Variants in CKS1B observed in about 807,000 individuals in gnomAD.
CKS1B encodes the protein CDC28 protein kinase regulatory subunit 1B, also known as cyclin-dependent kinases regulatory subunit 1.
Under a neutral mutation model 12.2 loss-of-function variants are expected in CKS1B, and 5 were observed. That is an observed-to-expected ratio of 0.41 (90% confidence interval 0.21 to 0.86). CKS1B has a LOEUF of 0.86. CKS1B is among the 40% of genes least tolerant of loss of function. The pLI is 0.32. For missense variants in CKS1B, 53 were observed against 99.9 expected (o/e 0.53, Z 2.00); for synonymous variants, 24 against 34.4 (o/e 0.70, Z 1.06).
Position 154,977,951 on chromosome 1 carries a change from T to C in CKS1B, c.60-36T>C, listed in dbSNP as rs769157256. On this transcript the variant is annotated intron_variant, in intron 1 of 2. Coordinates refer to ENST00000308987, the MANE Select transcript of CKS1B (RefSeq NM_001826.3). ...TTGTCTAAGAGACTGTATCTGGTAC[T>C]AACATAAATTCCCCACTTCCCCGTT... The C allele has an allele frequency of 6.2e-6, 10 of 1,604,882 alleles. No homozygotes were observed. The South Asian group carries it at 8.9e-5, about 14-fold the overall frequency.
chr1:154,978,271 A>G (rs1479075843), intron 2 of CKS1B, 157 bp downstream of exon 2: 5 of 724,226 alleles, frequency 6.9e-6, no homozygotes, highest in African/African-American at 3.7e-5. Context: ...TAGTGACCAA[A>G]AATAAGACTA....
At chr1:154,978,660 A>T in intron 2 of CKS1B, 65 bp from the exon 3 acceptor site, 1 of 1,355,556 alleles carries the variant, frequency 7.4e-7, no homozygotes, top group Non-Finnish European at 1.1e-6. Context: ...GTGGTAGTGG[A>T]ATACACTATA....
chr1:154,974,881 C>A, intron 1 of CKS1B, 77 bp downstream of exon 1: 5 of 1,614,014 alleles, frequency 3.1e-6, no homozygotes, highest in Non-Finnish European at 4.2e-6. Flanking sequence ...GTAACAGGAA[C>A]TGAGGCGATA....
At chr1:154,977,908 G>C (rs1657228874) in intron 1 of CKS1B, 79 bp from the exon 2 acceptor site, 1 of 1,392,152 alleles carries the variant, frequency 7.2e-7, no homozygotes, top group African/African-American at 1.5e-5. Context: ...TTCCTTTCTT[G>C]GCCTTGTAAA....
rs1657082280 is a variant in CKS1B, at chr1:154,974,688, G to C, written c.-58G>C. Reference sequence around the variant, plus strand: ...GCCAAAGTGGGTGGGAGCGCGTGCTGTTGGGAGTTGCTTGGAGGTTGGCGG... The same window carrying C: ...GCCAAAGTGGGTGGGAGCGCGTGCTCTTGGGAGTTGCTTGGAGGTTGGCGG... On this transcript the variant is annotated 5_prime_UTR_variant, in exon 1 of 3. Coordinates refer to ENST00000308987, the MANE Select transcript of CKS1B (RefSeq NM_001826.3). 16 of 1,550,882 alleles carry C rather than the reference G, an allele frequency of 1.0e-5. No homozygotes were observed. The highest frequency in any genetic ancestry group is 1.4e-5 in the Non-Finnish European group (16 of 1,145,958).
chr1:154,978,012 G>A lies in CKS1B; in HGVS notation c.85G>A (p.Ala29Thr). The stretch of plus-strand genomic sequence containing the variant: ...ACATGTCATGCTGCCCAAGGACATA[G>A]CCAAGCTGGTCCCTAAAACCCATCT... ...YRHVMLPKDI[A>T]KLVPKTHLMS... Residue 29 changes from alanine to threonine, a missense_variant, in exon 2 of 3, where the codon GCC (alanine) becomes ACC (threonine). Ala to Thr is a moderately conservative substitution (Grantham distance 58). Coordinates refer to ENST00000308987, the MANE Select transcript of CKS1B (RefSeq NM_001826.3). 1 of 1,613,898 alleles carries A rather than the reference G, an allele frequency of 6.2e-7. No individual in the cohort carries two copies.
intron 1 of CKS1B, 40 bp from the exon 2 acceptor site, chr1:154,977,947 G>A: frequency 1.3e-6 from 2 of 1,599,000 alleles, no homozygotes; most frequent in Non-Finnish European, 1.7e-6. Context: ...ACTGTATCTG[G>A]TACTAACATA....
Position 154,978,079 on chromosome 1 carries a change from G to A in CKS1B, c.152G>A (p.Ser51Asn). The change falls in exon 2 of 3, where the codon AGT (serine) becomes AAT (asparagine). Residue 51 changes from serine (S) to asparagine (N), a missense_variant. Physicochemically the swap from Ser to Asn is conservative, Grantham distance 46. Coordinates refer to ENST00000308987, the MANE Select transcript of CKS1B (RefSeq NM_001826.3). ...SEWRNLGVQQ[S>N]QGWVHYMIHE... is the part of the protein sequence containing the mutation. The stretch of plus-strand genomic sequence containing the variant: ...TGGAGGAATCTTGGCGTTCAGCAGA[G>A]TCAGGGATGGGTCCATTATATGATC... 1 of 1,614,176 alleles carries A rather than the reference G, an allele frequency of 6.2e-7. No individual in the cohort carries two copies. Among genetic ancestry groups the A allele is most frequent in the Non-Finnish European group, 8.5e-7 (1 of 1,180,022 alleles).
At chr1:154,977,919 C>A in intron 1 of CKS1B, 68 bp from the exon 2 acceptor site, 2 of 1,445,868 alleles carry the variant, frequency 1.4e-6, no homozygotes, top group Non-Finnish European at 1.8e-6. Context: ...GCCTTGTAAA[C>A]AGGCATTTGT....
chr1:154,978,659 G>A, intron 2 of CKS1B, 66 bp from the exon 3 acceptor site: 1 of 1,350,080 alleles, frequency 7.4e-7, no homozygotes, highest in South Asian at 1.2e-5. Flanking sequence ...GGTGGTAGTG[G>A]AATACACTAT....
At chr1:154,978,557 G>C (rs2102230278) in intron 2 of CKS1B, 168 bp from the exon 3 acceptor site, 1 of 621,638 alleles carries the variant, frequency 1.6e-6, no homozygotes, top group East Asian at 2.7e-5. Flanking sequence ...TTCTGTACTT[G>C]GCAGACAGTC....
chr1:154,976,027 G>A (rs1015701319), intron 1 of CKS1B, among the ~76,000 whole-genome samples: 5 of 151,840 alleles, frequency 3.3e-5, no homozygotes, highest in East Asian at 1.9e-4. Flanking sequence ...CCGAACCCCC[G>A]AGTCAGGATT....
At chr1:154,975,820 C>T (rs1657164003) in intron 1 of CKS1B, 1 of 154,744 alleles carries the variant, frequency 6.5e-6, no homozygotes, top group East Asian at 1.9e-4. Flanking sequence ...CTTTCACCAC[C>T]ATTGAAAACG....
intron 1 of CKS1B, chr1:154,975,705 C>T (rs759081272): frequency 1.9e-5 from 3 of 154,860 alleles, no homozygotes; most frequent in African/African-American, 2.4e-5. Flanking sequence ...GCCCCCCGCC[C>T]CGCCACCGCC....
In CKS1B at chr1:154,978,800, C is replaced by T. The variant is rs766132056; in HGVS notation, c.*23C>T. On this transcript the variant is annotated 3_prime_UTR_variant, in exon 3 of 3. Coordinates refer to ENST00000308987, the MANE Select transcript of CKS1B (RefSeq NM_001826.3). ...TGAAGCTGGCAAGCTACTTTTCAGC[C>T]TCAAGCTTTACACAGCTGTCCTTAC... 3 of 1,475,774 alleles carry T rather than the reference C, an allele frequency of 2.0e-6. No individual in the cohort carries two copies. Among genetic ancestry groups the T allele is most frequent in the Non-Finnish European group, 2.8e-6 (3 of 1,055,194 alleles). 91.4% of individuals were successfully genotyped at this position (1,475,774 alleles called of 1,614,324 possible).
chr1:154,976,370 ATAAT>A (rs2102228927), intron 1 of CKS1B, among the ~76,000 whole-genome samples: 1 of 152,340 alleles, frequency 6.6e-6, no homozygotes, highest in South Asian at 2.1e-4. Flanking sequence ...ATTAATTGTA[ATAAT>A]TAAGACCACT....
chr1:154,978,777 A>T lies in CKS1B; in HGVS notation c.240A>T (p.Ter80CysextTer22). 1 of 1,589,236 alleles carries T rather than the reference A, an allele frequency of 6.3e-7. No individual in the cohort carries two copies. The highest frequency in any genetic ancestry group is 8.6e-7 in the Non-Finnish European group (1 of 1,157,910). ...CACTACCCAAGAAACCAAAGAAATG[A>T]AGCTGGCAAGCTACTTTTCAGCCTC... ...RRPLPKKPKK[*>C] Residue 80 changes from the stop codon to cysteine, a stop_lost, in exon 3 of 3, where the codon TGA becomes TGT. Coordinates refer to ENST00000308987, the MANE Select transcript of CKS1B (RefSeq NM_001826.3).
chr1:154,978,491 CTAA>C (rs888239285), intron 2 of CKS1B: 24 of 560,906 alleles, frequency 4.3e-5, no homozygotes, highest in Non-Finnish European at 6.3e-5. Flanking sequence ...CCAGGCAAAA[CTAA>C]TAAGGGACAC....
intron 2 of CKS1B, chr1:154,978,395 T>C: frequency 1.9e-6 from 1 of 540,204 alleles, no homozygotes; most frequent in South Asian, 2.8e-5. Flanking sequence ...AGCCCCTGCC[T>C]CATTCTCCAT....
Sources: allele counts gnomAD v4.1 joint callset (sites outside exome capture counted in the v4.1 genomes callset), GRCh38; gene constraint gnomAD v4.1.1; transcripts MANE v1.5; gene names NCBI Gene and HGNC (gene_info 2026-07-23, HGNC 2026-07-21).